ACAA2: variants seen among roughly 807,000 people sequenced by gnomAD.
The protein encoded by ACAA2 is acetyl-CoA acyltransferase 2.
ACAA2 carries 35 observed loss-of-function variants against 44.8 expected under a neutral mutation model. The observed-to-expected ratio is 0.78, with a 90% CI of 0.60 to 1.04. The LOEUF is 1.04. Ranked by LOEUF, ACAA2 falls within the 50% of genes least tolerant of loss-of-function variation. ACAA2 has a pLI of 0.00. For missense variants in ACAA2, 468 were observed against 482.6 expected (o/e 0.97, Z 0.28); for synonymous variants, 142 against 166.5 (o/e 0.85, Z 1.13).
chr18:49,794,759 AAC>A (rs2023446327), intron 4 of ACAA2, among the ~76,000 whole-genome samples: 1 of 152,218 alleles, frequency 6.6e-6, no homozygotes, highest in African/African-American at 2.4e-5. Flanking sequence ...TTTTGTAGAA[AAC>A]CTGACAATGA....
intron 2 of ACAA2, among the ~76,000 whole-genome samples, chr18:49,802,122 A>G (rs1268781915): frequency 6.6e-6 from 1 of 152,214 alleles, no homozygotes; most frequent in African/African-American, 2.4e-5. Flanking sequence ...ATTAACTTCA[A>G]GTAAGCCAAG....
At chr18:49,802,577 A>AAAGT in intron 2 of ACAA2, 110 bp downstream of exon 2, 1 of 1,095,032 alleles carries the variant, frequency 9.1e-7, no homozygotes, top group Non-Finnish European at 1.2e-6. Flanking sequence ...AAAAAAAAAA[A>AAAGT]GTCTATAACT....
rs947752219 is a variant in ACAA2 at position 49,783,748 on chromosome 18, G to A, written c.*99C>T. On this transcript the variant is annotated 3_prime_UTR_variant, in exon 10 of 10. Transcript: ENST00000285093. ...AAACTTAATCACTGTTTCAATGGCA[G>A]GGCATGGCCAGTTGTGGCAGCTGCT... 1 of 917,320 alleles carries A rather than the reference G, an allele frequency of 1.1e-6. No individual in the cohort carries two copies. The highest frequency in any genetic ancestry group is 1.4e-5 in the South Asian group (1 of 70,362). 56.8% of individuals were successfully genotyped at this position (917,320 alleles called of 1,614,324 possible).
chr18:49,784,136 G>A (rs2848990), intron 9 of ACAA2, among the ~76,000 whole-genome samples: 79,284 of 150,414 alleles, frequency 0.53, 21,287 homozygotes, highest in Middle Eastern at 0.69. Flanking sequence ...AAAAAACAAA[G>A]AACAAAAACA....
rs1233896873 is a variant in ACAA2, at chr18:49,782,353, C to G, written c.*1494G>C. ...CCGCTTGTCATCTGCCTCTCTATGACAGAAAGGGGGATGTATGTGCCACTT... is the reference window on the plus strand; with the variant it reads ...CCGCTTGTCATCTGCCTCTCTATGAGAGAAAGGGGGATGTATGTGCCACTT... On this transcript the variant is annotated 3_prime_UTR_variant, in exon 10 of 10. Coordinates refer to ENST00000285093, the MANE Select transcript of ACAA2 (RefSeq NM_006111.3). The G allele has an allele frequency of 1.3e-5, 2 of 152,028 alleles. No individual in the cohort carries two copies. The highest frequency in any genetic ancestry group is 6.6e-5 in the Admixed American group (1 of 15,254). 9.4% of individuals were successfully genotyped at this position (152,028 alleles called of 1,614,324 possible). A position where few individuals can be genotyped will look rare whatever the true frequency, so the allele number is the denominator to read the frequency against.
chr18:49,789,158 T>C (rs186304390), intron 7 of ACAA2, among the ~76,000 whole-genome samples: 1 of 152,302 alleles, frequency 6.6e-6, no homozygotes, highest in Admixed American at 6.5e-5. Context: ...GAACCAGTAC[T>C]ATTCTTTTCA....
intron 1 of ACAA2, among the ~76,000 whole-genome samples, chr18:49,806,161 GAA>G (rs2023608473): frequency 2.6e-5 from 4 of 152,182 alleles, no homozygotes; most frequent in Non-Finnish European, 4.4e-5. Flanking sequence ...CAACTAACTT[GAA>G]GACTAACAGT....
chr18:49,790,986 C>T (rs1473243434), intron 7 of ACAA2, among the ~76,000 whole-genome samples: 3 of 152,134 alleles, frequency 2.0e-5, no homozygotes, highest in Admixed American at 1.3e-4. Flanking sequence ...CCTCCCTAAG[C>T]CTCAATTTTC....
At chr18:49,785,127 G>C in intron 9 of ACAA2, 70 bp downstream of exon 9, 1 of 1,549,762 alleles carries the variant, frequency 6.5e-7, no homozygotes, top group Non-Finnish European at 8.8e-7. Context: ...GGAGTGTTCT[G>C]GGGAAGCCTA....
chr18:49,800,432 G>A (rs189885229), intron 2 of ACAA2, among the ~76,000 whole-genome samples: 8 of 152,206 alleles, frequency 5.3e-5, no homozygotes, highest in East Asian at 1.9e-4. Context: ...CATGATGACC[G>A]TGGCGGTTTT....
At chr18:49,794,481 A>G (rs1250223241) in intron 4 of ACAA2, 54 bp from the exon 5 acceptor site, 1 of 821,618 alleles carries the variant, frequency 1.2e-6, no homozygotes, top group African/African-American at 1.9e-5. Flanking sequence ...TTTAAAAGTA[A>G]TATGTTATAA....
chr18:49,787,148 A>G (rs2023339775), intron 8 of ACAA2, 143 bp downstream of exon 8: 2 of 561,078 alleles, frequency 3.6e-6, no homozygotes, highest in Non-Finnish European at 5.7e-6. Context: ...TGAAGGTACT[A>G]TTTATTTAGA....
At chr18:49,798,570 T>C (rs2023491624) in intron 2 of ACAA2, among the ~76,000 whole-genome samples, 1 of 152,024 alleles carries the variant, frequency 6.6e-6, no homozygotes, top group African/African-American at 2.4e-5. Flanking sequence ...ATGTAAAACA[T>C]TGGTCTATCA....
At chr18:49,784,694 A>G (rs1598788623) in intron 9 of ACAA2, among the ~76,000 whole-genome samples, 1 of 150,860 alleles carries the variant, frequency 6.6e-6, no homozygotes, top group East Asian at 1.9e-4. Context: ...TTCTGGTACT[A>G]TCTATCAAAA....
intron 7 of ACAA2, among the ~76,000 whole-genome samples, chr18:49,788,534 A>C (rs2023361359): frequency 2.0e-5 from 3 of 149,250 alleles, no homozygotes; most frequent in African/African-American, 7.3e-5. Context: ...CTACTGATTT[A>C]CTACAGGATC....
Position 49,792,132 on chromosome 18 carries a change from A to AAC in ACAA2, c.753+19_753+20insGT. ...AACACACCAGGAAGAATTCAAGCTAATCTGTGTGGTGATACCAACCGATGC... is the reference window on the plus strand; with the variant it reads ...AACACACCAGGAAGAATTCAAGCTAAACTCTGTGTGGTGATACCAACCGATGC... On this transcript the variant is annotated intron_variant, in intron 6 of 9. Coordinates refer to ENST00000285093, the MANE Select transcript of ACAA2 (RefSeq NM_006111.3). 6.3e-7 allele frequency: 1 copy of AAC among 1,599,796 alleles called. No homozygotes were observed. The highest frequency in any genetic ancestry group is 2.2e-5 in the East Asian group (1 of 44,694).
intron 8 of ACAA2, chr18:49,786,074 A>C (rs1038717283): frequency 6.6e-6 from 1 of 152,224 alleles, no homozygotes; most frequent in Non-Finnish European, 1.5e-5. Context: ...GGAATTTTAT[A>C]GATAAGGAAA....
At chr18:49,785,115 T>G (rs1366159721) in intron 9 of ACAA2, 82 bp downstream of exon 9, 3 of 1,495,206 alleles carry the variant, frequency 2.0e-6, no homozygotes, top group Non-Finnish European at 2.7e-6. Context: ...ATGAAAAATG[T>G]TGGAGTGTTC....
chr18:49,801,086 T>A (rs576153367), intron 2 of ACAA2, among the ~76,000 whole-genome samples: 79 of 152,298 alleles, frequency 5.2e-4, no homozygotes, highest in African/African-American at 1.8e-3. Context: ...TTGTTTCCTA[T>A]GAAATAAGTA....
Sources: allele counts gnomAD v4.1 joint callset (sites outside exome capture counted in the v4.1 genomes callset), GRCh38; gene constraint gnomAD v4.1.1; transcripts MANE v1.5; gene names NCBI Gene and HGNC (gene_info 2026-07-23, HGNC 2026-07-21).